ANKRD11: variants seen among roughly 807,000 people sequenced by gnomAD.
ANKRD11 encodes ankyrin repeat domain 11, also known as ankyrin repeat domain-containing protein 11.
Under a neutral mutation model 195.7 loss-of-function variants are expected in ANKRD11, and 17 were observed. The ratio of observed to expected loss-of-function variants is 0.09; its 90% CI spans 0.06 to 0.13. The LOEUF is 0.13. ANKRD11 is among the 10% of genes least tolerant of loss of function. The probability of loss-of-function intolerance (pLI) is 1.00; values close to 1 mark genes in which losing one functional copy is unlikely to be tolerated. For synonymous variants in ANKRD11, 1,953 were observed against 1,528.1 expected, an observed-to-expected ratio of 1.28 and a Z score of -6.49; for missense variants, 3,735 against 3,566.1, an observed-to-expected ratio of 1.05 and a Z score of -1.21.
chr16:89,314,478 C>A (rs140101173), intron 3 of ANKRD11, among the ~76,000 whole-genome samples: 1 of 152,150 alleles, frequency 6.6e-6, no homozygotes, highest in Non-Finnish European at 1.5e-5. Flanking sequence ...GCTGGGGCTG[C>A]CGGCAAATCA....
intron 2 of ANKRD11, among the ~76,000 whole-genome samples, chr16:89,392,107 C>T (rs533664337): frequency 2.0e-5 from 3 of 152,264 alleles, no homozygotes; most frequent in African/African-American, 4.8e-5. Flanking sequence ...TGTGAGGTCC[C>T]GTTCCAGCCA....
In ANKRD11 at chr16:89,419,198, T is replaced by TC. The variant is rs745619778; in HGVS notation, c.-144-831dup. Among the ~76,000 whole-genome samples the TC allele has an allele frequency of 2.6e-5, 4 of 152,056 alleles. No individual in the cohort carries two copies. The South Asian group carries it at 8.3e-4, about 32-fold the overall frequency. On this transcript the variant is annotated intron_variant, in intron 1 of 12. Transcript: ENST00000301030. ...CATGCATGGTGGCTCACGCCTGTAA[T>TC]CCCAGCACTTTGGGAGGCCGAGGTG... is the stretch of plus-strand genomic sequence containing the variant.
At chr16:89,307,041 C>T (rs1208589954) in intron 3 of ANKRD11, among the ~76,000 whole-genome samples, 4 of 149,020 alleles carry the variant, frequency 2.7e-5, no homozygotes, top group East Asian at 2.0e-4. Flanking sequence ...ACACAGCGCT[C>T]GGGACGTGGG....
At chr16:89,354,325 C>A (rs1310959406) in intron 2 of ANKRD11, among the ~76,000 whole-genome samples, 1 of 151,564 alleles carries the variant, frequency 6.6e-6, no homozygotes, top group African/African-American at 2.4e-5. Context: ...TTCCTTCTCA[C>A]TGTCAATCTT....
At chr16:89,468,011 C>T (rs977529255) in intron 1 of ANKRD11, among the ~76,000 whole-genome samples, 1 of 152,058 alleles carries the variant, frequency 6.6e-6, no homozygotes, top group Non-Finnish European at 1.5e-5. Flanking sequence ...GTTATGTTGG[C>T]CAGGCTGGTC....
At chr16:89,410,551 C>T (rs2042074896) in intron 2 of ANKRD11, among the ~76,000 whole-genome samples, 1 of 152,172 alleles carries the variant, frequency 6.6e-6, no homozygotes. Context: ...AGGCCACCCT[C>T]TGCCCTCTGC....
Position 89,280,646 on chromosome 16 carries a change from T to G in ANKRD11, c.5896A>C (p.Thr1966Pro). 1.2e-6 allele frequency: 2 copies of G among 1,613,258 alleles called. No homozygotes were observed. Among genetic ancestry groups the G allele is most frequent in the Non-Finnish European group, 1.7e-6 (2 of 1,179,908 alleles). ...QALASSLIGG[T>P]SENPVSWPVG... ...GGCCAGCTCACAGGGTTTTCAGAGG[T>G]GCCCCCGATCAGGCTAGAGGCAAGC... The change falls in exon 9 of 13, where the codon ACC becomes CCC. Residue 1966 changes from threonine to proline, a missense_variant. Physicochemically the swap from Thr to Pro is conservative, Grantham distance 38. Coordinates refer to ENST00000301030, the MANE Select transcript of ANKRD11 (RefSeq NM_013275.6).
At chr16:89,466,069 T>G (rs1251503316) in intron 1 of ANKRD11, among the ~76,000 whole-genome samples, 1 of 151,894 alleles carries the variant, frequency 6.6e-6, no homozygotes, top group Admixed American at 6.6e-5. Context: ...TAAAAGGAGA[T>G]TGTGTCATAA....
intron 2 of ANKRD11, among the ~76,000 whole-genome samples, chr16:89,375,185 C>A (rs181673925): frequency 6.6e-6 from 1 of 152,058 alleles, no homozygotes; most frequent in Non-Finnish European, 1.5e-5. Flanking sequence ...CCTGTGCTAC[C>A]GCGGTGAGCT....
chr16:89,274,763 GC>G, intron 11 of ANKRD11, 50 bp downstream of exon 11: 1 of 1,601,420 alleles, frequency 6.2e-7, no homozygotes, highest in South Asian at 1.1e-5. Flanking sequence ...GGGGAGGCGG[GC>G]AGGGTGCAGG....
At chr16:89,392,954 C>CA (rs2041262768) in intron 2 of ANKRD11, among the ~76,000 whole-genome samples, 1 of 151,916 alleles carries the variant, frequency 6.6e-6, no homozygotes, top group African/African-American at 2.4e-5. Context: ...CTACAGTCAC[C>CA]AAGGCCCTTT....
chr16:89,349,617 C>A (rs1005549326), intron 2 of ANKRD11, among the ~76,000 whole-genome samples: 18 of 152,018 alleles, frequency 1.2e-4, no homozygotes, highest in African/African-American at 4.4e-4. Flanking sequence ...AAAACAAAAA[C>A]CTCTAACCTT....
intron 6 of ANKRD11, among the ~76,000 whole-genome samples, chr16:89,289,692 G>C (rs529694062): frequency 2.0e-5 from 3 of 152,166 alleles, no homozygotes; most frequent in Non-Finnish European, 2.9e-5. Context: ...TCCCTCCAGG[G>C]GCCTGGAGTG....
At chr16:89,385,631 C>A (rs919210120) in intron 2 of ANKRD11, among the ~76,000 whole-genome samples, 1 of 152,228 alleles carries the variant, frequency 6.6e-6, no homozygotes, top group Non-Finnish European at 1.5e-5. Context: ...CACGATGATG[C>A]ATTTCCACAT....
chr16:89,389,747 G>C (rs112258630), intron 2 of ANKRD11, among the ~76,000 whole-genome samples: 27 of 150,854 alleles, frequency 1.8e-4, no homozygotes, highest in Non-Finnish European at 3.8e-4. Flanking sequence ...CACCGAGTGT[G>C]GCGGGGAGCA....
intron 2 of ANKRD11, among the ~76,000 whole-genome samples, chr16:89,383,581 G>A (rs892915782): frequency 6.6e-6 from 1 of 152,244 alleles, no homozygotes; most frequent in Non-Finnish European, 1.5e-5. Context: ...GGCCAGGAAT[G>A]GCCAAAGCCG....
chr16:89,322,457 G>C (rs987222404), intron 2 of ANKRD11, among the ~76,000 whole-genome samples: 2 of 152,242 alleles, frequency 1.3e-5, no homozygotes, highest in Admixed American at 6.5e-5. Flanking sequence ...CCCCTGAGAA[G>C]GGATGTGATT....
At chr16:89,368,380 T>TTG (rs1567708814) in intron 2 of ANKRD11, among the ~76,000 whole-genome samples, 11 of 130,730 alleles carry the variant, frequency 8.4e-5, no homozygotes, top group Admixed American at 3.0e-4. Flanking sequence ...TGTTTTTTTT[T>TTG]TTTTTTTTTT....
At chr16:89,358,520 A>T (rs116511165) in intron 2 of ANKRD11, among the ~76,000 whole-genome samples, 3,160 of 152,350 alleles carry the variant, frequency 0.021, 122 homozygotes, top group African/African-American at 0.073. Flanking sequence ...TTTCCATGAT[A>T]TCATCACTAC....
Sources: allele counts gnomAD v4.1 joint callset (sites outside exome capture counted in the v4.1 genomes callset), GRCh38; gene constraint gnomAD v4.1.1; transcripts MANE v1.5; gene names NCBI Gene and HGNC (gene_info 2026-07-23, HGNC 2026-07-21).